The following PTPRS variants were observed in gnomAD, a reference collection of about 807,000 sequenced individuals.
PTPRS encodes the protein protein tyrosine phosphatase receptor type S.
In PTPRS, 63 loss-of-function variants were observed where a neutral mutation model predicts 215.3. The observed-to-expected ratio is 0.29, with a 90% confidence interval of 0.24 to 0.36. The LOEUF is 0.36. Ranked by LOEUF, PTPRS falls within the 10% of genes least tolerant of loss-of-function variation. PTPRS has a pLI of 1.00. For synonymous variants in PTPRS, 1,404 were observed against 1,191.4 expected (o/e 1.18, Z -3.68); for missense variants, 2,258 against 2,825.8 (o/e 0.80, Z 4.56).
chr19:5,211,332 G>C (rs866169094), intron 33 of PTPRS, among the ~76,000 whole-genome samples: 1 of 152,162 alleles, frequency 6.6e-6, no homozygotes, highest in East Asian at 1.9e-4. Context: ...AATATCCTCA[G>C]GGTGTCAGAA....
intron 1 of PTPRS, among the ~76,000 whole-genome samples, chr19:5,292,427 C>T (rs570331301): frequency 1.3e-5 from 2 of 152,276 alleles, no homozygotes; most frequent in Admixed American, 1.3e-4. Context: ...CTGCAGGAAG[C>T]CCCTTGGGGA....
At chr19:5,306,925 G>A (rs1379573478) in intron 1 of PTPRS, among the ~76,000 whole-genome samples, 4 of 152,304 alleles carry the variant, frequency 2.6e-5, no homozygotes, top group East Asian at 3.9e-4. Context: ...ACACTTTCCC[G>A]TGAAATGACA....
chr19:5,255,886 T>C (rs2146209266), intron 9 of PTPRS, among the ~76,000 whole-genome samples: 1 of 152,220 alleles, frequency 6.6e-6, no homozygotes, highest in East Asian at 1.9e-4. Context: ...TTTTCGTGTC[T>C]TTCTGGGTTT....
At chr19:5,301,317 GTTT>G (rs200496781) in intron 1 of PTPRS, among the ~76,000 whole-genome samples, 2 of 137,448 alleles carry the variant, frequency 1.5e-5, no homozygotes, top group Non-Finnish European at 1.6e-5. Context: ...AGTTGTTGCT[GTTT>G]TTTTTTTTTT....
At chr19:5,252,829 C>A (rs1057337211) in intron 9 of PTPRS, among the ~76,000 whole-genome samples, 1 of 137,278 alleles carries the variant, frequency 7.3e-6, no homozygotes, top group African/African-American at 2.8e-5. Flanking sequence ...GCCGAGATCA[C>A]GTCAATGCAC....
intron 1 of PTPRS, among the ~76,000 whole-genome samples, chr19:5,311,707 T>C (rs2049708383): frequency 6.6e-6 from 1 of 152,092 alleles, no homozygotes. Context: ...GCAGATGCTC[T>C]CTGCAGGGTA....
intron 37 of PTPRS, among the ~76,000 whole-genome samples, chr19:5,207,679 G>A (rs544875771): frequency 1.2e-4 from 18 of 152,258 alleles, no homozygotes; most frequent in Non-Finnish European, 2.1e-4. Context: ...TGTGACTTGG[G>A]GACTGCAATG....
chr19:5,303,546 C>T (rs2049369712), intron 1 of PTPRS, among the ~76,000 whole-genome samples: 1 of 151,740 alleles, frequency 6.6e-6, no homozygotes, highest in African/African-American at 2.4e-5. Context: ...GTAAAGGCCC[C>T]GAGGTGGGAA....
intron 4 of PTPRS, among the ~76,000 whole-genome samples, chr19:5,272,014 C>CAT (rs2046952226): frequency 6.6e-6 from 1 of 152,122 alleles, no homozygotes; most frequent in East Asian, 1.9e-4. Context: ...ATGTTTGAGT[C>CAT]CCTGTACTCA....
At position 5,277,851 on chromosome 19, in the gene PTPRS, AGGTATTGACAACAG is replaced by A; in HGVS notation, c.92-3521_92-3508del. 3 of 831,786 alleles carry A rather than the reference AGGTATTGACAACAG, an allele frequency of 3.6e-6. No homozygotes were observed. In the South Asian group the frequency reaches 4.0e-5, roughly 11 times the overall value. The allele number at this position is 831,786 out of a possible 1,614,324, so 51.5% of individuals were successfully genotyped here. On this transcript the variant is annotated intron_variant, in intron 2 of 37. Coordinates refer to ENST00000262963, the MANE Select transcript of PTPRS (RefSeq NM_002850.4). ...TAAGCGTTAACTGGGGGAAACCCAG[AGGTATTGACAACAG>A]GGTTCGCAGAACGTTCAAGGGCCAG...
intron 1 of PTPRS, among the ~76,000 whole-genome samples, chr19:5,312,542 T>C (rs1295214225): frequency 6.6e-6 from 1 of 151,912 alleles, no homozygotes; most frequent in Non-Finnish European, 1.5e-5. Flanking sequence ...ATGCCTGTAG[T>C]CCCAGCCACT....
rs982516560 is a variant in PTPRS, at chr19:5,339,371, G to A, written c.-95+1293C>T. On this transcript the variant is annotated intron_variant, in intron 1 of 37. Coordinates refer to ENST00000262963, the MANE Select transcript of PTPRS (RefSeq NM_002850.4). The surrounding 1 kb of genome is among the most constrained non-coding windows in gnomAD (Gnocchi z 4.2). Reference sequence around the variant, plus strand: ...TGCATATTTAGGGAGACGAGAAGACGATTTGAGACTGGGGAAAGAGGGTCA... The same window carrying A: ...TGCATATTTAGGGAGACGAGAAGACAATTTGAGACTGGGGAAAGAGGGTCA... 6.6e-6 allele frequency among the ~76,000 whole-genome samples: 1 copy of A among 152,224 alleles called. No individual in the cohort carries two copies. Among genetic ancestry groups the A allele is most frequent in the African/African-American group, 2.4e-5 (1 of 41,542 alleles).
At chr19:5,236,247 C>CAGCCCATTTTACAGGTG (rs1343091854) in intron 13 of PTPRS, among the ~76,000 whole-genome samples, 3 of 152,192 alleles carry the variant, frequency 2.0e-5, no homozygotes, top group Admixed American at 6.5e-5. Context: ...ACCAGAAGTG[C>CAGCCCATTTTACAGGTG]AGCCCATTTT....
rs62115150 is a variant in PTPRS, at chr19:5,339,674, C to G, written c.-95+990G>C. On this transcript the variant is annotated intron_variant, in intron 1 of 37. Coordinates refer to ENST00000262963, the MANE Select transcript of PTPRS (RefSeq NM_002850.4). This position sits in a 1 kb window ranked among gnomAD's most constrained non-coding sequence, Gnocchi z 4.2. ...CGCACCCACGGCGCGGGCACTCTAACCTGGGGGGCTCCCCTCAGGGCACGC... is the reference window on the plus strand; with the variant it reads ...CGCACCCACGGCGCGGGCACTCTAAGCTGGGGGGCTCCCCTCAGGGCACGC... Among the ~76,000 whole-genome samples the G allele has an allele frequency of 3.3e-4, 50 of 152,050 alleles. No individual in the cohort carries two copies. Among genetic ancestry groups the G allele is most frequent in the Non-Finnish European group, 6.3e-4 (43 of 67,910 alleles).
chr19:5,235,672 ACTG>A (rs1266771115), intron 13 of PTPRS, among the ~76,000 whole-genome samples: 1 of 152,156 alleles, frequency 6.6e-6, no homozygotes, highest in Non-Finnish European at 1.5e-5. Flanking sequence ...CTTGTTATAA[ACTG>A]CTAATAGCTT....
At position 5,293,719 on chromosome 19, in the gene PTPRS, C is replaced by A. The variant is rs1470329784; in HGVS notation, c.-94-7485G>T. On this transcript the variant is annotated intron_variant, in intron 1 of 37. Transcript: ENST00000262963. The surrounding 1 kb of genome is among the most constrained non-coding windows in gnomAD (Gnocchi z 8.4). ...CACGGTGATGGGGGCGGGGGGCGTC[C>A]CCTCTTCCCCCTCTTAGACCAGAGG... 6.6e-6 allele frequency among the ~76,000 whole-genome samples: 1 copy of A among 152,136 alleles called. No individual in the cohort carries two copies. Among genetic ancestry groups the A allele is most frequent in the African/African-American group, 2.4e-5 (1 of 41,458 alleles).
chr19:5,223,776 G>T (rs1237772743), intron 17 of PTPRS, among the ~76,000 whole-genome samples: 1 of 149,772 alleles, frequency 6.7e-6, no homozygotes, highest in African/African-American at 2.5e-5. Flanking sequence ...TGGCCAGGCT[G>T]GTCTTGAACT....
At chr19:5,312,653 CCT>C (rs1330893034) in intron 1 of PTPRS, among the ~76,000 whole-genome samples, 1 of 151,994 alleles carries the variant, frequency 6.6e-6, no homozygotes, top group Admixed American at 6.6e-5. Flanking sequence ...AGAGCAAGAC[CCT>C]GTCTCTAAAA....
rs1012866127 is a variant in PTPRS at position 5,231,587 on chromosome 19, T to C, written c.1878A>G (p.Lys626=). Residue 626 remains lysine, a synonymous_variant, in exon 14 of 38, where the codon AAA becomes AAG. Transcript: ENST00000262963. The part of the protein sequence containing the change: ...SKPSAPPQDV[K]CVSVRSTAIL... The stretch of plus-strand genomic sequence containing the variant: ...TGGCCGTGGAGCGCACGCTGACACA[T>C]TTAACGTCTTGAGGGGGGGCTGACG... 2 of 1,567,056 alleles carry C rather than the reference T, an allele frequency of 1.3e-6. No individual in the cohort carries two copies. Among genetic ancestry groups the C allele is most frequent in the Non-Finnish European group, 1.7e-6 (2 of 1,164,876 alleles).
Sources: gnomAD v4.1 joint callset for allele counts (sites outside exome capture counted in the v4.1 genomes callset) on GRCh38, gnomAD v4.1.1 for gene constraint, Gnocchi (gnomAD v3.1) non-coding constraint, MANE v1.5 for transcripts, NCBI Gene and HGNC (gene_info 2026-07-23, HGNC 2026-07-21) for gene names.